Variants in CFAP53 observed in about 807,000 individuals in gnomAD.
The protein encoded by CFAP53 is cilia- and flagella-associated protein 53.
In CFAP53, 62 loss-of-function variants were observed where a neutral mutation model predicts 59.7. That is an observed-to-expected ratio of 1.04 (90% CI 0.85 to 1.28). The LOEUF (loss-of-function observed/expected upper bound fraction) is 1.28, where lower values mean the gene tolerates loss of function less well. Among genes scored for constraint, CFAP53 ranks in the 50% most tolerant of loss-of-function variants. CFAP53 has a pLI of 0.00. For synonymous variants in CFAP53, 218 were observed against 205.7 expected (o/e 1.06, Z -0.51); for missense variants, 629 against 615.6 (o/e 1.02, Z -0.23).
At chr18:50,232,982 A>T (rs777637170) in intron 7 of CFAP53, among the ~76,000 whole-genome samples, 1 of 152,200 alleles carries the variant, frequency 6.6e-6, no homozygotes, top group Non-Finnish European at 1.5e-5. Context: ...TTAAAACTCC[A>T]GCTGGTTACA....
At chr18:50,257,377 C>A (rs2033855305) in intron 3 of CFAP53, among the ~76,000 whole-genome samples, 1 of 152,212 alleles carries the variant, frequency 6.6e-6, no homozygotes, top group Non-Finnish European at 1.5e-5. Context: ...AAAATCTAGA[C>A]TCCACAAGAA....
At chr18:50,240,148 G>T (rs1042673325) in intron 6 of CFAP53, among the ~76,000 whole-genome samples, 2 of 149,886 alleles carry the variant, frequency 1.3e-5, no homozygotes, top group Non-Finnish European at 3.0e-5. Flanking sequence ...CTGATCATCT[G>T]CCCCACCCTG....
In CFAP53 at chr18:50,227,552, C is replaced by T; in HGVS notation, c.1374G>A (p.Gln458=). 1 of 1,614,164 alleles carries T rather than the reference C, an allele frequency of 6.2e-7. No individual in the cohort carries two copies. The highest frequency in any genetic ancestry group is 8.5e-7 in the Non-Finnish European group (1 of 1,180,026). Residue 458 remains glutamine (Q), a synonymous_variant, in exon 8 of 8, where the codon CAG becomes CAA. Coordinates refer to ENST00000398545, the MANE Select transcript of CFAP53 (RefSeq NM_145020.5). ...RKQLQMQIAY[Q]QQSQEAEKEE... The stretch of plus-strand genomic sequence containing the variant: ...CCTTCTCTGCTTCTTGGGACTGCTG[C>T]TGGTAGGCGATTTGCATCTGAAGTT...
Position 50,263,877 on chromosome 18 carries a change from T to C in CFAP53, c.70-1658A>G, listed in dbSNP as rs186034152. Among the ~76,000 whole-genome samples, 6 of 152,294 alleles carry C rather than the reference T, an allele frequency of 3.9e-5. No individual in the cohort carries two copies. In the East Asian group the frequency reaches 1.2e-3, roughly 29 times the overall value. On this transcript the variant is annotated intron_variant, in intron 1 of 7. Transcript: ENST00000398545. ...GAAGCCTTTTAAGGCTTGGGAATCATGTGAAGGACTCTGGTCTGGGAAGGA... is the reference window on the plus strand; with the variant it reads ...GAAGCCTTTTAAGGCTTGGGAATCACGTGAAGGACTCTGGTCTGGGAAGGA...
chr18:50,234,646 G>A (rs2033613499), intron 7 of CFAP53, among the ~76,000 whole-genome samples: 2 of 152,196 alleles, frequency 1.3e-5, no homozygotes, highest in African/African-American at 4.8e-5. Context: ...TAAATGGAGA[G>A]GACGTGCACT....
chr18:50,234,135 A>G (rs2033608258), intron 7 of CFAP53, among the ~76,000 whole-genome samples: 1 of 152,230 alleles, frequency 6.6e-6, no homozygotes, highest in Non-Finnish European at 1.5e-5. Context: ...CAAACACACC[A>G]GGAATGGAAG....
chr18:50,238,828 A>T, intron 6 of CFAP53, 123 bp from the exon 7 acceptor site: 1 of 646,632 alleles, frequency 1.5e-6, no homozygotes, highest in Non-Finnish European at 2.6e-6. Context: ...GCTGGATCTT[A>T]GATTGATAAA....
In CFAP53 at chr18:50,266,458, G is replaced by A. The variant is rs1013358150; in HGVS notation, c.-54C>T. 3 of 1,561,118 alleles carry A rather than the reference G, an allele frequency of 1.9e-6. No homozygotes were observed. The highest frequency in any genetic ancestry group is 2.7e-6 in the Non-Finnish European group (3 of 1,131,938). On this transcript the variant is annotated 5_prime_UTR_variant, in exon 1 of 8. Coordinates refer to ENST00000398545, the MANE Select transcript of CFAP53 (RefSeq NM_145020.5). ...CGTCCGCCGCGTTTCCCCCAACCGT[G>A]GCGACCTGCGGGACCCGCTTCCGCG... is the stretch of plus-strand genomic sequence containing the variant.
At chr18:50,266,215 T>C in intron 1 of CFAP53, 121 bp downstream of exon 1, 1 of 866,142 alleles carries the variant, frequency 1.2e-6, no homozygotes, top group Non-Finnish European at 1.9e-6. Context: ...ACCCACTGCA[T>C]CAGGCGACAC....
At chr18:50,259,547 C>T (rs534344514) in intron 3 of CFAP53, among the ~76,000 whole-genome samples, 1 of 151,540 alleles carries the variant, frequency 6.6e-6, no homozygotes, top group South Asian at 2.1e-4. Flanking sequence ...TTTGATAGCA[C>T]AACAGGATGA....
chr18:50,231,825 CA>C (rs2033586954), intron 7 of CFAP53, among the ~76,000 whole-genome samples: 2 of 152,316 alleles, frequency 1.3e-5, no homozygotes, highest in South Asian at 4.1e-4. Flanking sequence ...CACTCTTTCT[CA>C]CTCTGAATCC....
intron 3 of CFAP53, among the ~76,000 whole-genome samples, chr18:50,256,708 A>G (rs995898574): frequency 6.6e-6 from 1 of 151,992 alleles, no homozygotes; most frequent in African/African-American, 2.4e-5. Flanking sequence ...CGAATTCATG[A>G]CAGAAAGAGC....
chr18:50,261,842 A>G, intron 2 of CFAP53, 148 bp downstream of exon 2: 2 of 567,842 alleles, frequency 3.5e-6, no homozygotes, highest in Admixed American at 3.3e-5. Flanking sequence ...ACAAATAAAA[A>G]TATTAAAAAT....
At chr18:50,247,829 C>G (rs188806742) in intron 5 of CFAP53, among the ~76,000 whole-genome samples, 398 of 152,188 alleles carry the variant, frequency 2.6e-3, no homozygotes, top group Admixed American at 6.0e-3. Context: ...GAAGGGATAG[C>G]AGGATAGTGA....
At chr18:50,232,184 A>G (rs2033590226) in intron 7 of CFAP53, among the ~76,000 whole-genome samples, 1 of 152,206 alleles carries the variant, frequency 6.6e-6, no homozygotes, top group Non-Finnish European at 1.5e-5. Flanking sequence ...TTCTAGTCCC[A>G]CCATGGGACA....
chr18:50,256,367 G>C (rs1159098409), intron 3 of CFAP53: 2 of 152,060 alleles, frequency 1.3e-5, no homozygotes, highest in South Asian at 2.1e-4. Context: ...CTTTACACAG[G>C]CTTGAAAATC....
chr18:50,260,966 A>G (rs2033886523), intron 3 of CFAP53, 98 bp downstream of exon 3: 3 of 1,211,772 alleles, frequency 2.5e-6, no homozygotes, highest in Admixed American at 2.3e-5. Context: ...ACTACTCTGT[A>G]TATCCTCTTA....
At chr18:50,251,247 C>G (rs1304684212) in intron 4 of CFAP53, among the ~76,000 whole-genome samples, 1 of 152,180 alleles carries the variant, frequency 6.6e-6, no homozygotes, top group Non-Finnish European at 1.5e-5. Flanking sequence ...ATCCCAGTAC[C>G]CATCATCCAC....
intron 6 of CFAP53, among the ~76,000 whole-genome samples, chr18:50,241,137 T>C (rs555236836): frequency 1.3e-5 from 2 of 152,330 alleles, no homozygotes; most frequent in African/African-American, 4.8e-5. Flanking sequence ...GAGACAAAGG[T>C]CATCTCAGCA....
Sources: allele counts gnomAD v4.1 joint callset (sites outside exome capture counted in the v4.1 genomes callset), GRCh38; gene constraint gnomAD v4.1.1; transcripts MANE v1.5; gene names NCBI Gene and HGNC (gene_info 2026-07-23, HGNC 2026-07-21).